CNGB1: variants seen among roughly 807,000 people sequenced by gnomAD.
CNGB1 encodes the protein cyclic nucleotide gated channel subunit beta 1, also known as cyclic nucleotide-gated channel beta-1.
A neutral mutation model predicts 151.7 loss-of-function variants in CNGB1; 126 were observed. The ratio of observed to expected loss-of-function variants is 0.83; its 90% CI spans 0.72 to 0.96. The LOEUF (loss-of-function observed/expected upper bound fraction) is 0.96. Among genes scored for constraint, CNGB1 ranks in the 40% least tolerant of loss-of-function variants. CNGB1 has a pLI of 0.00. For synonymous variants in CNGB1, 623 were observed against 635.1 expected, an observed-to-expected ratio of 0.98 and a Z score of 0.29; for missense variants, 1,698 against 1,627.0, an observed-to-expected ratio of 1.04 and a Z score of -0.75.
At chr16:57,893,186 C>T (rs915862566) in intron 31 of CNGB1, among the ~76,000 whole-genome samples, 3 of 152,120 alleles carry the variant, frequency 2.0e-5, no homozygotes, top group African/African-American at 7.2e-5. Context: ...GAGGAAAACC[C>T]AGATATGTGG....
Position 57,917,263 on chromosome 16 carries a change from C to A in CNGB1, c.2166+5G>T, listed in dbSNP as rs1394488061. On this transcript the variant is annotated splice_donor_5th_base_variant and intron_variant, in intron 21 of 32. Transcript: ENST00000251102. ...TCACCCCAACACCACCTGCCTGTGA[C>A]TCACAATGATGTCCCCGCCTCTGAC... The A allele has an allele frequency of 1.9e-6, 3 of 1,611,066 alleles. No individual in the cohort carries two copies. The African/African-American group carries it at 4.0e-5, about 22-fold the overall frequency.
chr16:57,894,371 C>T (rs763040998), intron 31 of CNGB1, among the ~76,000 whole-genome samples: 86 of 152,248 alleles, frequency 5.6e-4, no homozygotes, highest in Admixed American at 1.4e-3. Flanking sequence ...GAGGCAGAAG[C>T]GGGCAGATCA....
In CNGB1 at chr16:57,917,381, G is replaced by C. The variant is rs1308922108; in HGVS notation, c.2053C>G (p.Pro685Ala). The C allele has an allele frequency of 6.2e-7, 1 of 1,614,082 alleles. No homozygotes were observed. ...PVRWAFPYQTPDNIHHWLLMD... is the reference protein window; with the variant it reads ...PVRWAFPYQTADNIHHWLLMD... Reference sequence around the variant, plus strand: ...AGCAGCCAGTGGTGGATGTTGTCCGGGGTCTGGTAGGGGAAGGCCCAGCGC... The same window carrying C: ...AGCAGCCAGTGGTGGATGTTGTCCGCGGTCTGGTAGGGGAAGGCCCAGCGC... Residue 685 changes from proline to alanine, a missense_variant, in exon 21 of 33, where the codon CCG (proline) becomes GCG (alanine). Transcript: ENST00000251102.
intron 31 of CNGB1, 91 bp downstream of exon 31, chr16:57,897,301 CAAAAA>C (rs397944283): frequency 6.0e-5 from 63 of 1,053,880 alleles, no homozygotes; most frequent in African/African-American, 1.1e-4. Flanking sequence ...GATGTCATCT[CAAAAA>C]AAAAAAAAAA....
intron 31 of CNGB1, among the ~76,000 whole-genome samples, chr16:57,894,109 C>T (rs1303564885): frequency 6.6e-6 from 1 of 152,180 alleles, no homozygotes; most frequent in Non-Finnish European, 1.5e-5. Flanking sequence ...ATTCGTTGCA[C>T]CACTGTTTGT....
chr16:57,916,180 C>T lies in CNGB1; in HGVS notation c.2167-1G>A, dbSNP rs189264925. The stretch of plus-strand genomic sequence containing the variant: ...TATTTCGCATGTCCTTTTTGTCCGT[C>T]TGAAAGAAAGGGAATGATGATGGTG... On this transcript the variant is annotated splice_acceptor_variant, in intron 21 of 32. Coordinates refer to ENST00000251102, the MANE Select transcript of CNGB1 (RefSeq NM_001297.5). LOFTEE classifies it high-confidence loss of function. 6.2e-7 allele frequency: 1 copy of T among 1,613,652 alleles called. No individual in the cohort carries two copies. The highest frequency in any genetic ancestry group is 1.7e-5 in the Admixed American group (1 of 60,022).
At chr16:57,970,686 C>A (rs1447707475) in intron 1 of CNGB1, among the ~76,000 whole-genome samples, 1 of 152,156 alleles carries the variant, frequency 6.6e-6, no homozygotes, top group Non-Finnish European at 1.5e-5. Flanking sequence ...AGAATTTTTG[C>A]AGGTCCCTCC....
At chr16:57,909,694 A>T (rs1960654861) in intron 25 of CNGB1, among the ~76,000 whole-genome samples, 1 of 152,222 alleles carries the variant, frequency 6.6e-6, no homozygotes, top group Non-Finnish European at 1.5e-5. Flanking sequence ...TGGCTAAAAA[A>T]GTTTTTTTAA....
In CNGB1 at chr16:57,931,753, T is replaced by A. The variant is rs1402952007; in HGVS notation, c.1498A>T (p.Thr500Ser). 9.9e-6 allele frequency: 16 copies of A among 1,613,840 alleles called. No individual in the cohort carries two copies. Among genetic ancestry groups the A allele is most frequent in the Non-Finnish European group, 1.4e-5 (16 of 1,179,958 alleles). The change falls in exon 17 of 33, where the codon ACC becomes TCC. Residue 500 changes from threonine (T) to serine (S), a missense_variant. Transcript: ENST00000251102. Reference protein sequence around the residue: ...LPPPSPAKSDTLIVPSSASGT... With the variant: ...LPPPSPAKSDSLIVPSSASGT... ...GAGGCTGAGCTTGGGACTATAAGGGTGTCTGATTTGGCAGGAGACGGTGGC... is the reference window on the plus strand; with the variant it reads ...GAGGCTGAGCTTGGGACTATAAGGGAGTCTGATTTGGCAGGAGACGGTGGC...
chr16:57,950,706 G>A (rs929332390), intron 12 of CNGB1, among the ~76,000 whole-genome samples, 166 bp from the exon 13 acceptor site: 6 of 152,216 alleles, frequency 3.9e-5, no homozygotes, highest in Admixed American at 1.3e-4. Flanking sequence ...GGACCAGATC[G>A]GTGTTCCGGT....
intron 7 of CNGB1, among the ~76,000 whole-genome samples, chr16:57,962,039 G>T (rs368653371): frequency 3.2e-4 from 48 of 152,292 alleles, no homozygotes; most frequent in African/African-American, 1.1e-3. Context: ...GCCACACAGG[G>T]CCTAAACGCC....
In CNGB1 at chr16:57,911,987, T is replaced by C. The variant is rs1960729326; in HGVS notation, c.2370-112A>G. On this transcript the variant is annotated intron_variant, in intron 24 of 32. Coordinates refer to ENST00000251102, the MANE Select transcript of CNGB1 (RefSeq NM_001297.5). ...TGGGCTGGCCCGACTGGATGCTTTGTTGAGATTGCACCAGTTAGGAAGGGT... is the reference window on the plus strand; with the variant it reads ...TGGGCTGGCCCGACTGGATGCTTTGCTGAGATTGCACCAGTTAGGAAGGGT... 7.6e-6 allele frequency: 11 copies of C among 1,440,692 alleles called. No homozygotes were observed. In the South Asian group the frequency reaches 1.2e-4, roughly 15 times the overall value. 89.2% of individuals were successfully genotyped at this position (1,440,692 alleles called of 1,614,324 possible).
At chr16:57,926,179 G>A (rs2149369376) in intron 17 of CNGB1, among the ~76,000 whole-genome samples, 1 of 152,274 alleles carries the variant, frequency 6.6e-6, no homozygotes, top group Non-Finnish European at 1.5e-5. Flanking sequence ...GTCAGAGGAG[G>A]AGCCTCTGAG....
intron 25 of CNGB1, among the ~76,000 whole-genome samples, chr16:57,909,786 G>A (rs928920232): frequency 6.6e-6 from 1 of 152,152 alleles, no homozygotes; most frequent in Non-Finnish European, 1.5e-5. Flanking sequence ...CACCAGGTTG[G>A]CACTTTTCCT....
Position 57,903,935 on chromosome 16 carries a change from C to T in CNGB1, c.2681G>A (p.Arg894His), listed in dbSNP as rs146762538. Residue 894 changes from arginine (R) to histidine (H), a missense_variant, in exon 27 of 33, where the codon CGC becomes CAC. By Grantham distance (29) the Arg-to-His change is conservative. Transcript: ENST00000251102. ...GAATAGQTYY[R>H]SCMDSTVKYM... The stretch of plus-strand genomic sequence containing the variant: ...CTTCACCGTGCTGTCCATGCAGCTG[C>T]GGTAGTAGGTCTGTCCGGCGGTGGC... 2.8e-4 allele frequency: 451 copies of T among 1,614,044 alleles called. No individual in the cohort carries two copies. Among genetic ancestry groups the T allele is most frequent in the Non-Finnish European group, 2.1e-4 (252 of 1,179,992 alleles).
chr16:57,920,516 T>G lies in CNGB1; in HGVS notation c.1672A>C (p.Ser558Arg), dbSNP rs774536610. Residue 558 changes from serine to arginine, a missense_variant, in exon 19 of 33, where the codon AGC (serine) becomes CGC (arginine). By Grantham distance (110) the Ser-to-Arg change is moderately radical. Transcript: ENST00000251102. Reference sequence around the variant, plus strand: ...TCGTTGATGATGGCGCTATTTGTGCTGGCCGTGGAGGCCGCACGGTCCTGG... The same window carrying G: ...TCGTTGATGATGGCGCTATTTGTGCGGGCCGTGGAGGCCGCACGGTCCTGG... ...DGQDRAASTA[S>R]TNSAIINDRL... 1 of 1,613,874 alleles carries G rather than the reference T, an allele frequency of 6.2e-7. No individual in the cohort carries two copies. Among genetic ancestry groups the G allele is most frequent in the Non-Finnish European group, 8.5e-7 (1 of 1,180,038 alleles).
chr16:57,903,335 T>C (rs1391701336), intron 27 of CNGB1, among the ~76,000 whole-genome samples: 4 of 151,040 alleles, frequency 2.6e-5, no homozygotes, highest in Admixed American at 2.6e-4. Flanking sequence ...CTACTAATAA[T>C]ATAAAAATGA....
At chr16:57,945,550 T>G (rs1961785553) in intron 14 of CNGB1, among the ~76,000 whole-genome samples, 1 of 152,192 alleles carries the variant, frequency 6.6e-6, no homozygotes, top group Non-Finnish European at 1.5e-5. Flanking sequence ...CCTATTTGAG[T>G]AAGATCAGAA....
At position 57,964,123 on chromosome 16, in the gene CNGB1, G is replaced by T. The variant is rs879113739; in HGVS notation, c.290+7C>A. 6.2e-7 allele frequency: 1 copy of T among 1,613,748 alleles called. No homozygotes were observed. Among genetic ancestry groups the T allele is most frequent in the Non-Finnish European group, 8.5e-7 (1 of 1,179,742 alleles). On this transcript the variant is annotated splice_region_variant and intron_variant, in intron 4 of 32. Coordinates refer to ENST00000251102, the MANE Select transcript of CNGB1 (RefSeq NM_001297.5). Reference sequence around the variant, plus strand: ...GGCCCTGAAGAGAGGGGAGGGTGGTGCAGTACCTATTCATTTCAGAAATCT... The same window carrying T: ...GGCCCTGAAGAGAGGGGAGGGTGGTTCAGTACCTATTCATTTCAGAAATCT...
Sources: gnomAD v4.1 joint callset for allele counts (sites outside exome capture counted in the v4.1 genomes callset) on GRCh38, gnomAD v4.1.1 for gene constraint, MANE v1.5 for transcripts, NCBI Gene and HGNC (gene_info 2026-07-23, HGNC 2026-07-21) for gene names.